The following TECR variants were observed in gnomAD, a reference collection of about 807,000 sequenced individuals.
The protein encoded by TECR is very-long-chain enoyl-CoA reductase.
TECR carries 19 observed loss-of-function variants against 50.6 expected under a neutral mutation model. The ratio of observed to expected loss-of-function variants is 0.38; its 90% CI spans 0.26 to 0.55. The LOEUF is 0.55. Ranked by LOEUF, TECR falls within the 20% of genes least tolerant of loss-of-function variation. The pLI is 0.79. For synonymous variants in TECR, 168 were observed against 163.5 expected (o/e 1.03, Z -0.21); for missense variants, 313 against 408.3 (o/e 0.77, Z 2.01).
chr19:14,564,343 C>T, intron 7 of TECR, 56 bp downstream of exon 7: 2 of 1,381,136 alleles, frequency 1.4e-6, no homozygotes, highest in South Asian at 2.5e-5. Flanking sequence ...CCACCCCGCC[C>T]CGCCCCCACC....
At position 14,563,599 on chromosome 19, in the gene TECR, C is replaced by T; in HGVS notation, c.119-59C>T. ...CTGAGAAGCTGGCACAGTGGCTGGG[C>T]AGCGGACCGGCTGAGCCCTGCCAGG... On this transcript the variant is annotated intron_variant, in intron 3 of 12. Transcript: ENST00000215567. The surrounding 1 kb of genome is among the most constrained non-coding windows in gnomAD (Gnocchi z 5.3). The T allele has an allele frequency of 1.9e-6, 3 of 1,605,422 alleles. No homozygotes were observed. The highest frequency in any genetic ancestry group is 1.7e-6 in the Non-Finnish European group (2 of 1,176,872).
At chr19:14,539,815 C>T (rs2073033775) in intron 1 of TECR, among the ~76,000 whole-genome samples, 3 of 152,160 alleles carry the variant, frequency 2.0e-5, no homozygotes, top group Admixed American at 2.0e-4. Context: ...CAACCCCTTG[C>T]CTGTCACCCT....
intron 1 of TECR, among the ~76,000 whole-genome samples, chr19:14,549,263 G>A (rs1288323666): frequency 9.0e-5 from 13 of 144,350 alleles, no homozygotes; most frequent in South Asian, 2.4e-4. Flanking sequence ...GCCAGGCTGG[G>A]GTGCAGTGGT....
At chr19:14,561,588 G>C (rs1044275962) in intron 1 of TECR, among the ~76,000 whole-genome samples, 2 of 152,162 alleles carry the variant, frequency 1.3e-5, no homozygotes, top group Non-Finnish European at 2.9e-5. Context: ...TGAGGGTGCA[G>C]TGTTTGGGCT....
At chr19:14,536,431 G>T (rs547119966) in intron 1 of TECR, among the ~76,000 whole-genome samples, 1 of 151,836 alleles carries the variant, frequency 6.6e-6, no homozygotes, top group African/African-American at 2.4e-5. Flanking sequence ...CACCACGCCC[G>T]GCTAATTTTT....
Position 14,557,641 on chromosome 19 carries a change from G to A in TECR, c.16-4884G>A, listed in dbSNP as rs187187166. Among the ~76,000 whole-genome samples, 75 of 151,108 alleles carry A rather than the reference G, an allele frequency of 5.0e-4. 1 individual carries two copies. Among genetic ancestry groups the A allele is most frequent in the Non-Finnish European group, 5.9e-5 (4 of 67,826 alleles). On this transcript the variant is annotated intron_variant, in intron 1 of 12. Transcript: ENST00000215567. The stretch of plus-strand genomic sequence containing the variant: ...TAATTTTTGTATCTTTGGTAGAGAC[G>A]GGGTTTCGCCATGTTGTCCAGGCTG...
chr19:14,530,067 G>GCA (rs896918578), intron 1 of TECR: 1 of 402,964 alleles, frequency 2.5e-6, no homozygotes, highest in Non-Finnish European at 4.7e-6. Context: ...AGGGAGTCTT[G>GCA]CACAAATCTT....
At chr19:14,553,927 G>A (rs1179028948) in intron 1 of TECR, among the ~76,000 whole-genome samples, 1 of 152,104 alleles carries the variant, frequency 6.6e-6, no homozygotes, top group Non-Finnish European at 1.5e-5. Context: ...ACCAGGGCTC[G>A]CACCCCCAGC....
chr19:14,542,352 T>TTTTTTTTTG (rs2073128520), intron 1 of TECR, among the ~76,000 whole-genome samples: 1 of 73,594 alleles, frequency 1.4e-5, no homozygotes, highest in Non-Finnish European at 2.9e-5. Flanking sequence ...ATAGTGTTTT[T>TTTTTTTTTG]TTTTTTTTTT....
At chr19:14,535,498 C>T (rs1410755771) in intron 1 of TECR, among the ~76,000 whole-genome samples, 19 of 81,268 alleles carry the variant, frequency 2.3e-4, no homozygotes, top group Non-Finnish European at 3.2e-4. Context: ...CAGAGCGAGA[C>T]TCCGTCTCAA....
chr19:14,530,159 C>T (rs1030486744), intron 1 of TECR: 6 of 197,620 alleles, frequency 3.0e-5, no homozygotes, highest in Non-Finnish European at 5.4e-5. Context: ...CTTCCCTCGC[C>T]CGGGACGTTC....
intron 1 of TECR, among the ~76,000 whole-genome samples, chr19:14,534,331 A>T (rs1281327210): frequency 3.5e-5 from 5 of 143,716 alleles, no homozygotes; most frequent in Non-Finnish European, 6.0e-5. Flanking sequence ...TCACCGTGTT[A>T]GCCAGGATGG....
upstream of TECR, among the ~76,000 whole-genome samples, chr19:14,528,699 G>T (rs1195829387): frequency 6.6e-6 from 1 of 152,010 alleles, no homozygotes; most frequent in Non-Finnish European, 1.5e-5. Flanking sequence ...TAGCACTTTG[G>T]GAGGCTGAGG....
chr19:14,535,756 CAA>C (rs1161257175), intron 1 of TECR, among the ~76,000 whole-genome samples: 20 of 51,936 alleles, frequency 3.9e-4, no homozygotes, highest in African/African-American at 1.2e-3. Flanking sequence ...GACTCTGTCT[CAA>C]AAAAAAAAAA....
chr19:14,548,588 T>G (rs181434155), intron 1 of TECR, among the ~76,000 whole-genome samples: 8 of 152,284 alleles, frequency 5.3e-5, no homozygotes, highest in African/African-American at 1.9e-4. Flanking sequence ...TCTCTTTTTT[T>G]TCTTTTAGAG....
intron 1 of TECR, among the ~76,000 whole-genome samples, chr19:14,542,758 A>T (rs1325206114): frequency 6.6e-6 from 1 of 151,028 alleles, no homozygotes. Context: ...GAGCAGAGCG[A>T]CTCACCCCAG....
chr19:14,565,788 G>A lies in TECR; in HGVS notation c.844G>A (p.Ala282Thr). 1 of 1,608,994 alleles carries A rather than the reference G, an allele frequency of 6.2e-7. No homozygotes were observed. Among genetic ancestry groups the A allele is most frequent in the Non-Finnish European group, 8.5e-7 (1 of 1,178,556 alleles). The change falls in exon 13 of 13, where the codon GCC becomes ACC. Residue 282 changes from alanine (A) to threonine (T), a missense_variant. Transcript: ENST00000215567. ...GGGCTTCACCCAGATGACCATCTGG[G>A]CCAAGGGCAAGCACCGCAGCTACCT... ...LVGFTQMTIW[A>T]KGKHRSYLKE...
chr19:14,538,143 G>A (rs2072970531), intron 1 of TECR, among the ~76,000 whole-genome samples: 1 of 152,190 alleles, frequency 6.6e-6, no homozygotes, highest in South Asian at 2.1e-4. Context: ...AGAAACTGAG[G>A]CACAGAAAGT....
intron 1 of TECR, chr19:14,531,218 T>TACAAA (rs1392766129): frequency 6.6e-6 from 1 of 151,118 alleles, no homozygotes; most frequent in Non-Finnish European, 1.5e-5. Flanking sequence ...GTATTTTTAG[T>TACAAA]AGAGATGGGG....
Sources: allele counts gnomAD v4.1 joint callset (sites outside exome capture counted in the v4.1 genomes callset), GRCh38; gene constraint gnomAD v4.1.1; non-coding constraint Gnocchi (gnomAD v3.1); transcripts MANE v1.5; gene names NCBI Gene and HGNC (gene_info 2026-07-23, HGNC 2026-07-21).